The following BAZ2B variants were observed in gnomAD, a reference collection of about 807,000 sequenced individuals.
The protein encoded by BAZ2B is bromodomain adjacent to zinc finger domain 2B, also known as bromodomain adjacent to zinc finger domain protein 2B.
In BAZ2B, 91 loss-of-function variants were observed where a neutral mutation model predicts 246.0. That is an observed-to-expected ratio of 0.37 (90% confidence interval 0.31 to 0.44). BAZ2B has a LOEUF of 0.44. Among genes scored for constraint, BAZ2B ranks in the 20% least tolerant of loss-of-function variants. BAZ2B has a pLI of 1.00. For synonymous variants in BAZ2B, 855 were observed against 860.0 expected, an observed-to-expected ratio of 0.99 and a Z score of 0.10; for missense variants, 2,332 against 2,533.7, an observed-to-expected ratio of 0.92 and a Z score of 1.71.
At chr2:159,326,840 C>T (rs1329773240) in intron 34 of BAZ2B, among the ~76,000 whole-genome samples, 3 of 152,052 alleles carry the variant, frequency 2.0e-5, no homozygotes, top group African/African-American at 7.2e-5. Flanking sequence ...AAAAAATCTG[C>T]CTTTTGAGAG....
chr2:159,332,741 T>C (rs954590666), intron 33 of BAZ2B, 55 bp from the exon 34 acceptor site: 31 of 1,582,912 alleles, frequency 2.0e-5, no homozygotes, highest in African/African-American at 1.1e-4. Flanking sequence ...ATAATAGTTA[T>C]TGGGATGTTA....
At chr2:159,543,867 T>C (rs930709708) in intron 2 of BAZ2B, among the ~76,000 whole-genome samples, 4 of 152,234 alleles carry the variant, frequency 2.6e-5, no homozygotes, top group Non-Finnish European at 4.4e-5. Context: ...TCAGTCGATG[T>C]ACACATTTCT....
At chr2:159,330,384 G>A (rs955608604) in intron 34 of BAZ2B, among the ~76,000 whole-genome samples, 1 of 152,132 alleles carries the variant, frequency 6.6e-6, no homozygotes, top group Admixed American at 6.5e-5. Context: ...AGGAGAGTAT[G>A]GTATCTTAGA....
chr2:159,687,380 C>CCTT, the BAZ2B span, among the ~76,000 whole-genome samples: 1 of 152,204 alleles, frequency 6.6e-6, no homozygotes, highest in African/African-American at 2.4e-5. Flanking sequence ...AACATTCAAT[C>CCTT]CTTTCCCCAG....
chr2:159,646,098 G>A, the BAZ2B span, among the ~76,000 whole-genome samples: 1 of 152,156 alleles, frequency 6.6e-6, no homozygotes, highest in African/African-American at 2.4e-5. Flanking sequence ...AGCACTATGG[G>A]AGACTGGGGC....
chr2:159,406,764 CT>C (rs1376089908), intron 14 of BAZ2B, among the ~76,000 whole-genome samples: 1 of 150,846 alleles, frequency 6.6e-6, no homozygotes, highest in Non-Finnish European at 1.5e-5. Context: ...TCTTTCTTTT[CT>C]TTTTTTTTGA....
chr2:159,588,758 C>T (rs1375468486), intron 1 of BAZ2B, among the ~76,000 whole-genome samples: 1 of 152,166 alleles, frequency 6.6e-6, no homozygotes, highest in Non-Finnish European at 1.5e-5. Flanking sequence ...CTTTGTGGCT[C>T]TTTTTGACTT....
intron 1 of BAZ2B, among the ~76,000 whole-genome samples, chr2:159,607,289 C>T (rs562649692): frequency 6.6e-6 from 1 of 152,292 alleles, no homozygotes; most frequent in Admixed American, 6.5e-5. Flanking sequence ...AAAAGGGATA[C>T]ACATATATCA....
At chr2:159,630,922 AGT>A in the BAZ2B span, among the ~76,000 whole-genome samples, 4 of 152,204 alleles carry the variant, frequency 2.6e-5, no homozygotes, top group African/African-American at 9.6e-5. Flanking sequence ...GGCCAGGCCC[AGT>A]GGCTCACGTG....
At chr2:159,503,881 G>A (rs1017383007) in intron 2 of BAZ2B, among the ~76,000 whole-genome samples, 6 of 152,020 alleles carry the variant, frequency 3.9e-5, no homozygotes, top group African/African-American at 9.7e-5. Context: ...GCGCCTGGCC[G>A]ATATCTGGCT....
chr2:159,559,938 A>G (rs998509402), intron 1 of BAZ2B, among the ~76,000 whole-genome samples: 5 of 152,182 alleles, frequency 3.3e-5, no homozygotes, highest in Non-Finnish European at 5.9e-5. Context: ...AAAAATCTCA[A>G]TAATATTAAC....
At chr2:159,644,908 C>A in the BAZ2B span, among the ~76,000 whole-genome samples, 1 of 152,086 alleles carries the variant, frequency 6.6e-6, no homozygotes, top group African/African-American at 2.4e-5. Context: ...ATTCCTTTTT[C>A]ATTTCTTGCC....
chr2:159,573,894 G>C (rs1321211849), intron 1 of BAZ2B, among the ~76,000 whole-genome samples: 4 of 152,268 alleles, frequency 2.6e-5, no homozygotes, highest in Non-Finnish European at 1.5e-5. Flanking sequence ...GAGCCCAAGA[G>C]TTCAAGACCA....
intron 2 of BAZ2B, among the ~76,000 whole-genome samples, chr2:159,519,210 C>CTT (rs564614568): frequency 0.023 from 1,308 of 57,702 alleles, 222 homozygotes; most frequent in East Asian, 0.043. Flanking sequence ...ATTCTATTTT[C>CTT]TTTTTTTTTT....
intron 36 of BAZ2B, chr2:159,321,892 A>G (rs1212111421): frequency 1.3e-5 from 2 of 152,220 alleles, no homozygotes; most frequent in Non-Finnish European, 2.9e-5. Context: ...AATAAGTAAA[A>G]GAGTAGAAGT....
At chr2:159,684,277 G>C in the BAZ2B span, among the ~76,000 whole-genome samples, 1 of 152,212 alleles carries the variant, frequency 6.6e-6, no homozygotes, top group Non-Finnish European at 1.5e-5. Context: ...TATGAACACT[G>C]ATGTGCAGCT....
the BAZ2B span, among the ~76,000 whole-genome samples, chr2:159,678,256 C>T: frequency 6.6e-6 from 1 of 152,224 alleles, no homozygotes; most frequent in East Asian, 1.9e-4. Context: ...GAAAAAGAAC[C>T]TAATAACTTG....
At chr2:159,607,478 C>T (rs1313187489) in intron 1 of BAZ2B, among the ~76,000 whole-genome samples, 1 of 152,116 alleles carries the variant, frequency 6.6e-6, no homozygotes, top group Non-Finnish European at 1.5e-5. Context: ...TTTAACCCGG[C>T]CTTCACAAAT....
intron 21 of BAZ2B, 114 bp from the exon 22 acceptor site, chr2:159,386,721 T>C: frequency 8.3e-7 from 1 of 1,208,092 alleles, no homozygotes; most frequent in Non-Finnish European, 1.1e-6. Context: ...TCTTGTATTG[T>C]ACCAGTAGCT....
Sources: allele counts gnomAD v4.1 joint callset (sites outside exome capture counted in the v4.1 genomes callset), GRCh38; gene constraint gnomAD v4.1.1; transcripts MANE v1.5; gene names NCBI Gene and HGNC (gene_info 2026-07-23, HGNC 2026-07-21).